DDI2: variants seen among roughly 807,000 people sequenced by gnomAD.
The protein encoded by DDI2 is DDI proteasomal shuttling factor 2.
A neutral mutation model predicts 48.1 loss-of-function variants in DDI2; 5 were observed. That is an observed-to-expected ratio of 0.10 (90% CI 0.05 to 0.22). The LOEUF is 0.22. DDI2 is among the 10% of genes least tolerant of loss of function. The pLI is 1.00. For synonymous variants in DDI2, 205 were observed against 183.6 expected, an observed-to-expected ratio of 1.12 and a Z score of -0.94; for missense variants, 285 against 506.2, an observed-to-expected ratio of 0.56 and a Z score of 4.19.
intron 2 of DDI2, among the ~76,000 whole-genome samples, chr1:15,628,941 A>G (rs1240396948): frequency 6.6e-6 from 1 of 152,212 alleles, no homozygotes; most frequent in Non-Finnish European, 1.5e-5. Flanking sequence ...CATTTCATAT[A>G]AATGGGGTCA....
At chr1:15,642,806 G>A (rs912357090) in intron 5 of DDI2, among the ~76,000 whole-genome samples, 7 of 152,126 alleles carry the variant, frequency 4.6e-5, no homozygotes, top group Non-Finnish European at 1.0e-4. Flanking sequence ...AGTGGCTCAC[G>A]CCTGTAATCC....
chr1:15,649,881 C>T, intron 7 of DDI2, 58 bp downstream of exon 7: 8 of 1,505,624 alleles, frequency 5.3e-6, no homozygotes, highest in Non-Finnish European at 6.3e-6. Context: ...TGGTCATTAT[C>T]ACATTATTTT....
intron 7 of DDI2, among the ~76,000 whole-genome samples, chr1:15,650,793 T>A (rs1640166169): frequency 6.6e-6 from 1 of 152,208 alleles, no homozygotes; most frequent in Non-Finnish European, 1.5e-5. Flanking sequence ...GTCACTATTT[T>A]AAAATATTTC....
At position 15,649,829 on chromosome 1, in the gene DDI2, T is replaced by A. The variant is rs1335464569; in HGVS notation, c.993+6T>A. ...ACATGCTTAAACGGCACCAGGTAAT[T>A]AAGAGCTTCACTTATTTTTTTTGCA... On this transcript the variant is annotated splice_donor_region_variant and intron_variant, in intron 7 of 9. Coordinates refer to ENST00000480945, the MANE Select transcript of DDI2 (RefSeq NM_032341.5). The A allele has an allele frequency of 6.2e-7, 1 of 1,603,202 alleles. No homozygotes were observed. The highest frequency in any genetic ancestry group is 1.1e-5 in the South Asian group (1 of 88,550).
chr1:15,626,249 G>A (rs904646835), intron 1 of DDI2, among the ~76,000 whole-genome samples: 1 of 152,002 alleles, frequency 6.6e-6, no homozygotes, highest in Admixed American at 6.6e-5. Context: ...CATTTAATGG[G>A]GCAGAAGGAC....
intron 4 of DDI2, chr1:15,633,869 G>A (rs41270277): frequency 0.084 from 38,710 of 459,596 alleles, 2,156 homozygotes; most frequent in African/African-American, 0.19. Flanking sequence ...CTGAGCAGAA[G>A]CCACCATCTG....
chr1:15,635,824 G>T (rs1201223674), intron 4 of DDI2, among the ~76,000 whole-genome samples: 1 of 152,148 alleles, frequency 6.6e-6, no homozygotes, highest in Admixed American at 6.5e-5. Context: ...AACTCATTTG[G>T]GTTGGAGTCC....
chr1:15,645,142 C>T (rs1358676727), intron 6 of DDI2, among the ~76,000 whole-genome samples: 2 of 152,192 alleles, frequency 1.3e-5, no homozygotes, highest in East Asian at 1.9e-4. Context: ...GATCCGCCCA[C>T]GAGGCCTCCC....
chr1:15,655,829 G>A (rs1193021771), intron 8 of DDI2, among the ~76,000 whole-genome samples: 1 of 151,946 alleles, frequency 6.6e-6, no homozygotes, highest in African/African-American at 2.4e-5. Flanking sequence ...GGAGGATGAG[G>A]TGGAAAGATC....
At chr1:15,651,967 G>A in intron 8 of DDI2, 72 bp downstream of exon 8, 1 of 1,463,330 alleles carries the variant, frequency 6.8e-7, no homozygotes, top group South Asian at 1.5e-5. Context: ...GCTTCAGAAG[G>A]GGTAGGAACC....
rs199770063 is a variant in DDI2, at chr1:15,660,403, G to T, written c.*613G>T. On this transcript the variant is annotated 3_prime_UTR_variant, in exon 10 of 10. Transcript: ENST00000480945. ...ACCAGGGAATGAACAGTATGAGGTT[G>T]CACAACAAAAAGCTTCACATGACCA... 1.9e-6 allele frequency: 3 copies of T among 1,613,816 alleles called. No homozygotes were observed. Among genetic ancestry groups the T allele is most frequent in the Non-Finnish European group, 2.5e-6 (3 of 1,179,934 alleles).
chr1:15,619,318 G>A (rs969249808), intron 1 of DDI2, among the ~76,000 whole-genome samples: 2 of 151,668 alleles, frequency 1.3e-5, no homozygotes, highest in South Asian at 4.2e-4. Flanking sequence ...TAGAGACGGG[G>A]TTTCACCATG....
chr1:15,639,159 G>A (rs2103470618), intron 5 of DDI2, among the ~76,000 whole-genome samples: 1 of 151,970 alleles, frequency 6.6e-6, no homozygotes, highest in East Asian at 1.9e-4. Context: ...AAGGAGACAG[G>A]GATTCTTCTG....
chr1:15,632,827 T>TGTG (rs1639865731), intron 3 of DDI2, among the ~76,000 whole-genome samples: 1 of 150,834 alleles, frequency 6.6e-6, no homozygotes, highest in African/African-American at 2.4e-5. Context: ...ACATGGTCAC[T>TGTG]CCCCACCATT....
intron 3 of DDI2, among the ~76,000 whole-genome samples, chr1:15,631,869 G>T (rs567521163): frequency 6.6e-6 from 1 of 151,552 alleles, no homozygotes; most frequent in Non-Finnish European, 1.5e-5. Context: ...GCAGTGGCGC[G>T]ATCTCTGCTC....
At chr1:15,659,798 G>C in intron 9 of DDI2, 39 bp from the exon 10 acceptor site, 1 of 1,480,584 alleles carries the variant, frequency 6.8e-7, no homozygotes, top group Non-Finnish European at 8.9e-7. Flanking sequence ...TTAGTCACCT[G>C]CTAATTAATC....
At position 15,643,640 on chromosome 1, in the gene DDI2, G is replaced by A; in HGVS notation, c.879G>A (p.Arg293=). 1.9e-6 allele frequency: 3 copies of A among 1,614,054 alleles called. No individual in the cohort carries two copies. The highest frequency in any genetic ancestry group is 1.6e-4 in the Middle Eastern group (1 of 6,062). The change falls in exon 6 of 10, where the codon AGG becomes AGA. Residue 293 remains arginine (R), a synonymous_variant. Coordinates refer to ENST00000480945, the MANE Select transcript of DDI2 (RefSeq NM_032341.5). ...TGGGCACCCAGAAGATTATTGGAAG[G>A]GTACATCTAGGTGAGCAAAAGGCAC... is the stretch of plus-strand genomic sequence containing the variant. ...KGVGTQKIIG[R]VHLAQVQIEG...
intron 7 of DDI2, 67 bp from the exon 8 acceptor site, chr1:15,651,633 TTTTAAA>T (rs1454352602): frequency 7.0e-7 from 1 of 1,425,570 alleles, no homozygotes; most frequent in Non-Finnish European, 9.4e-7. Flanking sequence ...GTGATTGGAG[TTTTAAA>T]TTAAGGAGCA....
At chr1:15,619,274 C>G (rs535368694) in intron 1 of DDI2, among the ~76,000 whole-genome samples, 1 of 151,950 alleles carries the variant, frequency 6.6e-6, no homozygotes, top group African/African-American at 2.4e-5. Context: ...GCGCGCGCCA[C>G]CACGCCTGGC....
Sources: allele counts gnomAD v4.1 joint callset (sites outside exome capture counted in the v4.1 genomes callset), GRCh38; gene constraint gnomAD v4.1.1; transcripts MANE v1.5; gene names NCBI Gene and HGNC (gene_info 2026-07-23, HGNC 2026-07-21).